Variants in UBE2H observed in about 807,000 individuals in gnomAD.
UBE2H encodes ubiquitin conjugating enzyme E2 H.
UBE2H carries 3 observed loss-of-function variants against 29.0 expected under a neutral mutation model. The ratio of observed to expected loss-of-function variants is 0.10; its 90% confidence interval spans 0.05 to 0.27. UBE2H has a LOEUF of 0.27. Ranked by LOEUF, UBE2H falls within the 10% of genes least tolerant of loss-of-function variation. The probability of loss-of-function intolerance (pLI) is 1.00; values close to 1 mark genes in which losing one functional copy is unlikely to be tolerated. For missense variants in UBE2H, 68 were observed against 228.2 expected, an observed-to-expected ratio of 0.30 and a Z score of 4.52; for synonymous variants, 69 against 82.9, an observed-to-expected ratio of 0.83 and a Z score of 0.91.
intron 6 of UBE2H, among the ~76,000 whole-genome samples, chr7:129,837,241 C>G (rs1412010159): frequency 6.6e-6 from 1 of 152,166 alleles, no homozygotes; most frequent in Non-Finnish European, 1.5e-5. Flanking sequence ...CTGACTGAAG[C>G]TGTGAGAGGT....
chr7:129,952,298 TC>T (rs1460485199), intron 1 of UBE2H, among the ~76,000 whole-genome samples: 1 of 151,850 alleles, frequency 6.6e-6, no homozygotes, highest in African/African-American at 2.4e-5. Context: ...AACGCGTATT[TC>T]GGGGTGCTGC....
At chr7:129,839,846 A>ACTAC in intron 5 of UBE2H, 1 of 160,452 alleles carries the variant, frequency 6.2e-6, no homozygotes, top group East Asian at 1.9e-4. Flanking sequence ...AGTAGCTGGC[A>ACTAC]CTACAGGCAC....
chr7:129,907,469 TG>T (rs1806843457), intron 1 of UBE2H, among the ~76,000 whole-genome samples: 1 of 152,162 alleles, frequency 6.6e-6, no homozygotes, highest in African/African-American at 2.4e-5. Flanking sequence ...TAGAACCAGT[TG>T]ATCAGTTTTA....
In UBE2H at chr7:129,881,059, G is replaced by C. The variant is rs1364212724; in HGVS notation, c.54-88C>G. 5 of 1,184,230 alleles carry C rather than the reference G, an allele frequency of 4.2e-6. No homozygotes were observed. The East Asian group carries it at 1.3e-4, about 31-fold the overall frequency. The allele number at this position is 1,184,230 out of a possible 1,614,324, so 73.4% of individuals were successfully genotyped here. A position where few individuals can be genotyped will look rare whatever the true frequency, so the allele number is the denominator to read the frequency against. ...ACCCCAGGCATATGCCACTTAAAGTGTTACCAAAATTTGGCATGACATTGA... is the reference window on the plus strand; with the variant it reads ...ACCCCAGGCATATGCCACTTAAAGTCTTACCAAAATTTGGCATGACATTGA... On this transcript the variant is annotated intron_variant, in intron 1 of 6. Coordinates refer to ENST00000355621, the MANE Select transcript of UBE2H (RefSeq NM_003344.4).
chr7:129,854,563 C>T lies in UBE2H; in HGVS notation c.298+2948G>A, dbSNP rs1044405649. ...TCACTTGGACCAACGTGGTTTAACT[C>T]TTGCTGCTTATTAAATGCTTTGCAA... On this transcript the variant is annotated intron_variant, in intron 5 of 6. Transcript: ENST00000355621. Among the ~76,000 whole-genome samples the T allele has an allele frequency of 6.6e-5, 10 of 152,334 alleles. No individual in the cohort carries two copies. The South Asian group carries it at 2.1e-3, about 32-fold the overall frequency.
At position 129,834,248 on chromosome 7, in the gene UBE2H, C is replaced by G; in HGVS notation, c.*689G>C. 2 of 152,174 alleles carry G rather than the reference C, an allele frequency of 1.3e-5. 1 individual carries two copies. The highest frequency in any genetic ancestry group is 3.8e-4 in the East Asian group (2 of 5,200). The allele number at this position is 152,174 out of a possible 1,614,324, so 9.4% of individuals were successfully genotyped here. A position where few individuals can be genotyped will look rare whatever the true frequency, so the allele number is the denominator to read the frequency against. On this transcript the variant is annotated 3_prime_UTR_variant, in exon 7 of 7. Coordinates refer to ENST00000355621, the MANE Select transcript of UBE2H (RefSeq NM_003344.4). ...AGAACTGGTTCAGAAAACACTTCCC[C>G]AAGTTTCTCCAACAGAACACTGTGG...
chr7:129,931,010 G>A (rs966523922), intron 1 of UBE2H, among the ~76,000 whole-genome samples: 18 of 151,334 alleles, frequency 1.2e-4, no homozygotes, highest in African/African-American at 3.9e-4. Context: ...CCTGAGGTCA[G>A]GAGTTCAAGA....
At chr7:129,835,652 A>C (rs530499715) in intron 6 of UBE2H, among the ~76,000 whole-genome samples, 1 of 152,312 alleles carries the variant, frequency 6.6e-6, no homozygotes, top group Admixed American at 6.5e-5. Context: ...ATTTACCTGA[A>C]GGTAGATTTC....
intron 1 of UBE2H, among the ~76,000 whole-genome samples, chr7:129,945,472 T>C (rs192575036): frequency 1.3e-5 from 2 of 152,358 alleles, no homozygotes; most frequent in African/African-American, 4.8e-5. Flanking sequence ...CTTTAATCAC[T>C]ATGCCAGGCT....
intron 1 of UBE2H, among the ~76,000 whole-genome samples, chr7:129,943,434 G>A (rs564146845): frequency 1.3e-5 from 2 of 152,328 alleles, no homozygotes; most frequent in Admixed American, 6.5e-5. Flanking sequence ...TCAAATGGGG[G>A]TGGGGAGAGA....
At chr7:129,839,990 G>A (rs1805399515) in intron 5 of UBE2H, among the ~76,000 whole-genome samples, 1 of 152,188 alleles carries the variant, frequency 6.6e-6, no homozygotes, top group Non-Finnish European at 1.5e-5. Flanking sequence ...GATTACAGGT[G>A]TGAACCACTG....
intron 5 of UBE2H, among the ~76,000 whole-genome samples, chr7:129,852,215 T>C (rs1805623002): frequency 6.6e-6 from 1 of 152,240 alleles, no homozygotes; most frequent in African/African-American, 2.4e-5. Context: ...TATTTTAAGA[T>C]ATACCTTCTG....
chr7:129,905,121 C>T (rs73161650), intron 1 of UBE2H, among the ~76,000 whole-genome samples: 9,908 of 151,916 alleles, frequency 0.065, 446 homozygotes, highest in Non-Finnish European at 0.094. Flanking sequence ...TCAAGTACAG[C>T]CAGAATCAAT....
intron 1 of UBE2H, among the ~76,000 whole-genome samples, chr7:129,922,363 GTAACCTC>G (rs1807180944): frequency 6.6e-6 from 1 of 152,008 alleles, no homozygotes; most frequent in Non-Finnish European, 1.5e-5. Flanking sequence ...TCGGCTCACT[GTAACCTC>G]TGCCTCTTGG....
chr7:129,902,004 C>T (rs890153711), intron 1 of UBE2H, among the ~76,000 whole-genome samples: 8 of 152,174 alleles, frequency 5.3e-5, no homozygotes, highest in African/African-American at 1.7e-4. Flanking sequence ...CATGATGAGA[C>T]AACAAGTAAT....
At chr7:129,909,897 T>C (rs572989921) in intron 1 of UBE2H, among the ~76,000 whole-genome samples, 3 of 152,140 alleles carry the variant, frequency 2.0e-5, no homozygotes, top group Middle Eastern at 3.4e-3. Flanking sequence ...CAGCTGATTA[T>C]ATAAAGTGGT....
At chr7:129,950,683 G>A (rs974702773) in intron 1 of UBE2H, among the ~76,000 whole-genome samples, 1 of 152,314 alleles carries the variant, frequency 6.6e-6, no homozygotes. Context: ...CGCATTAGGT[G>A]TGACAGTAAC....
At chr7:129,887,218 C>CTTTTTT (rs58727788) in intron 1 of UBE2H, among the ~76,000 whole-genome samples, 1 of 103,972 alleles carries the variant, frequency 9.6e-6, no homozygotes. Flanking sequence ...CTCTCTTGAA[C>CTTTTTT]TTTTTTTTTT....
At chr7:129,944,939 A>G (rs1807733088) in intron 1 of UBE2H, among the ~76,000 whole-genome samples, 1 of 151,742 alleles carries the variant, frequency 6.6e-6, no homozygotes. Context: ...CACATAATAG[A>G]ATACTACTCA....
Sources: gnomAD v4.1 joint callset for allele counts (sites outside exome capture counted in the v4.1 genomes callset) on GRCh38, gnomAD v4.1.1 for gene constraint, MANE v1.5 for transcripts, NCBI Gene and HGNC (gene_info 2026-07-23, HGNC 2026-07-21) for gene names.